Variants in CSRP1 observed in about 807,000 individuals in gnomAD.
CSRP1 encodes cysteine and glycine-rich protein 1.
In CSRP1, 16 loss-of-function variants were observed where a neutral mutation model predicts 25.4. That is an observed-to-expected ratio of 0.63 (90% confidence interval 0.43 to 0.96). CSRP1 has a LOEUF of 0.96. CSRP1 is among the 40% of genes least tolerant of loss of function. The probability of loss-of-function intolerance (pLI) is 0.00; values close to 1 mark genes in which losing one functional copy is unlikely to be tolerated. For synonymous variants in CSRP1, 97 were observed against 95.3 expected (o/e 1.02, Z -0.10); for missense variants, 212 against 243.6 (o/e 0.87, Z 0.86).
At chr1:201,492,614 G>C (rs1322003310) in intron 2 of CSRP1, 2 of 152,172 alleles carry the variant, frequency 1.3e-5, no homozygotes, top group East Asian at 3.9e-4. Context: ...TTGTGATACT[G>C]CTTGGAAATA....
In CSRP1 at chr1:201,484,017, T is replaced by C; in HGVS notation, c.*696A>G. Reference sequence around the variant, plus strand: ...AGGATCCTCCCATCAAGCAGGGAACTAGATGTTTGAGAAGATCAAACAACA... The same window carrying C: ...AGGATCCTCCCATCAAGCAGGGAACCAGATGTTTGAGAAGATCAAACAACA... On this transcript the variant is annotated 3_prime_UTR_variant, in exon 6 of 6. Coordinates refer to ENST00000340006, the MANE Select transcript of CSRP1 (RefSeq NM_004078.3). The C allele has an allele frequency of 1.4e-6, 1 of 698,180 alleles. No individual in the cohort carries two copies. The highest frequency in any genetic ancestry group is 2.0e-5 in the Admixed American group (1 of 49,962). 43.2% of individuals were successfully genotyped at this position (698,180 alleles called of 1,614,324 possible). A position where few individuals can be genotyped will look rare whatever the true frequency, so the allele number is the denominator to read the frequency against.
chr1:201,485,752 A>C, intron 4 of CSRP1: 2 of 230,550 alleles, frequency 8.7e-6, no homozygotes, highest in Non-Finnish European at 1.7e-5. Context: ...AGGGCTTTGC[A>C]CTCCTCCTGG....
intron 3 of CSRP1, 86 bp from the exon 4 acceptor site, chr1:201,489,070 T>G: frequency 6.4e-7 from 1 of 1,557,154 alleles, no homozygotes; most frequent in Non-Finnish European, 8.8e-7. Flanking sequence ...CCTACCTTCA[T>G]CTCATGCCAG....
intron 1 of CSRP1, among the ~76,000 whole-genome samples, chr1:201,502,241 G>A (rs1664693904): frequency 6.6e-6 from 1 of 152,168 alleles, no homozygotes; most frequent in South Asian, 2.1e-4. Flanking sequence ...CAGGGTTAAA[G>A]TCCCCATCCA....
chr1:201,500,993 G>C (rs940244110), intron 1 of CSRP1, among the ~76,000 whole-genome samples: 7 of 152,202 alleles, frequency 4.6e-5, no homozygotes, highest in Admixed American at 3.3e-4. Context: ...AACAAGAGCT[G>C]GGATTCGATC....
chr1:201,484,845 A>C, intron 5 of CSRP1, 56 bp from the exon 6 acceptor site: 1 of 1,478,534 alleles, frequency 6.8e-7, no homozygotes, highest in Non-Finnish European at 9.3e-7. Context: ...CAGCCACACC[A>C]CCCACCCTCC....
intron 1 of CSRP1, among the ~76,000 whole-genome samples, chr1:201,501,648 G>A (rs1165139722): frequency 6.6e-6 from 1 of 152,152 alleles, no homozygotes; most frequent in African/African-American, 2.4e-5. Context: ...TACAGCAGCA[G>A]CAAAAGGAGA....
At chr1:201,494,317 G>A (rs1664432605) in intron 2 of CSRP1, among the ~76,000 whole-genome samples, 1 of 152,134 alleles carries the variant, frequency 6.6e-6, no homozygotes, top group Non-Finnish European at 1.5e-5. Context: ...ACATCTGAGA[G>A]CAAAGAGAGG....
At chr1:201,495,857 A>C (rs1571782617) in intron 2 of CSRP1, 1 of 236,002 alleles carries the variant, frequency 4.2e-6, no homozygotes, top group African/African-American at 2.2e-5. Context: ...AAGGGCTGAA[A>C]GTGTTTTCCT....
chr1:201,497,946 G>A (rs756983090), intron 1 of CSRP1, among the ~76,000 whole-genome samples: 22 of 151,928 alleles, frequency 1.4e-4, no homozygotes, highest in Non-Finnish European at 2.6e-4. Flanking sequence ...GGAGGCAGAG[G>A]TTGCAGTGAG....
intron 1 of CSRP1, among the ~76,000 whole-genome samples, chr1:201,498,028 A>T (rs1451732974): frequency 2.0e-5 from 3 of 152,022 alleles, no homozygotes; most frequent in Non-Finnish European, 4.4e-5. Context: ...AAAAGGATAA[A>T]AATAGCGACT....
At chr1:201,500,593 GTGATGA>G (rs1180234222) in intron 1 of CSRP1, among the ~76,000 whole-genome samples, 1 of 152,272 alleles carries the variant, frequency 6.6e-6, no homozygotes, top group Non-Finnish European at 1.5e-5. Flanking sequence ...GAGATGAAAA[GTGATGA>G]CTCTATCCCT....
intron 2 of CSRP1, among the ~76,000 whole-genome samples, chr1:201,494,821 A>AGT (rs34365999): frequency 0.46 from 69,172 of 151,918 alleles, 17,002 homozygotes; most frequent in East Asian, 0.91. Context: ...ATCCCTCAGC[A>AGT]GTGTGCGTGT....
chr1:201,484,483 G>A lies in CSRP1; in HGVS notation c.*230C>T. On this transcript the variant is annotated 3_prime_UTR_variant, in exon 6 of 6. Transcript: ENST00000340006. ...TGCTCTCACCTAGACCCAAAACACT[G>A]AGGTCTCCTACTGGTGATGGTGTCA... 1 of 580,084 alleles carries A rather than the reference G, an allele frequency of 1.7e-6. No homozygotes were observed. Among genetic ancestry groups the A allele is most frequent in the Non-Finnish European group, 3.1e-6 (1 of 324,384 alleles). The allele number at this position is 580,084 out of a possible 1,614,324, so 35.9% of individuals were successfully genotyped here. A position where few individuals can be genotyped will look rare whatever the true frequency, so the allele number is the denominator to read the frequency against.
chr1:201,484,102 A>G lies in CSRP1; in HGVS notation c.*611T>C. Reference sequence around the variant, plus strand: ...CTCCTCCCAGTCCTAGTGGGAGGCTATCCATTCCACAAAGACTCAAAGGCA... The same window carrying G: ...CTCCTCCCAGTCCTAGTGGGAGGCTGTCCATTCCACAAAGACTCAAAGGCA... On this transcript the variant is annotated 3_prime_UTR_variant, in exon 6 of 6. Transcript: ENST00000340006. The G allele has an allele frequency of 1.5e-6, 1 of 674,584 alleles. No homozygotes were observed. The highest frequency in any genetic ancestry group is 2.8e-6 in the Non-Finnish European group (1 of 362,754). The allele number at this position is 674,584 out of a possible 1,614,324, so 41.8% of individuals were successfully genotyped here. A position where few individuals can be genotyped will look rare whatever the true frequency, so the allele number is the denominator to read the frequency against.
intron 1 of CSRP1, among the ~76,000 whole-genome samples, chr1:201,504,761 G>A (rs1362024439): frequency 2.0e-5 from 3 of 148,672 alleles, no homozygotes; most frequent in African/African-American, 7.5e-5. Context: ...CCAGGAGTTC[G>A]AGACCAGACT....
chr1:201,504,714 G>A (rs1664765557), intron 1 of CSRP1, among the ~76,000 whole-genome samples: 1 of 151,804 alleles, frequency 6.6e-6, no homozygotes, highest in Admixed American at 6.6e-5. Flanking sequence ...TTGGGAGGCT[G>A]AGATGGTGGT....
At chr1:201,500,813 A>G (rs994425351) in intron 1 of CSRP1, among the ~76,000 whole-genome samples, 1 of 152,232 alleles carries the variant, frequency 6.6e-6, no homozygotes, top group Non-Finnish European at 1.5e-5. Flanking sequence ...GGGAGGCCGA[A>G]TTGCCTTAAA....
At chr1:201,489,892 A>T (rs1664274953) in intron 3 of CSRP1, 1 of 315,302 alleles carries the variant, frequency 3.2e-6, no homozygotes, top group Non-Finnish European at 5.8e-6. Flanking sequence ...AAAAAGAGGA[A>T]ATTGGACTAA....
Sources: gnomAD v4.1 joint callset for allele counts (sites outside exome capture counted in the v4.1 genomes callset) on GRCh38, gnomAD v4.1.1 for gene constraint, MANE v1.5 for transcripts, NCBI Gene and HGNC (gene_info 2026-07-23, HGNC 2026-07-21) for gene names.